Variants in ZNF26 observed in about 807,000 individuals in gnomAD.
The protein encoded by ZNF26 is zinc finger protein 26.
In ZNF26, 32 loss-of-function variants were observed where a neutral mutation model predicts 54.9. The observed-to-expected ratio is 0.58, with a 90% CI of 0.44 to 0.78. The LOEUF (loss-of-function observed/expected upper bound fraction) is 0.78, where lower values mean the gene tolerates loss of function less well. Among genes scored for constraint, ZNF26 ranks in the 30% least tolerant of loss-of-function variants. The pLI, the probability that ZNF26 is intolerant of heterozygous loss-of-function variation, is 0.00. For missense variants in ZNF26, 524 were observed against 634.0 expected, an observed-to-expected ratio of 0.83 and a Z score of 1.86; for synonymous variants, 221 against 209.2, an observed-to-expected ratio of 1.06 and a Z score of -0.49.
At position 133,007,132 on chromosome 12, in the gene ZNF26, G is replaced by A; in HGVS notation, c.124G>A (p.Val42Met). ...TACACAGAAGTACCTGTACAGAGAT[G>A]TGATATTGGAAAACTATCATAACCT... Reference protein sequence around the residue: ...DSTQKYLYRDVILENYHNLIS... With the variant: ...DSTQKYLYRDMILENYHNLIS... Residue 42 changes from valine (V) to methionine (M), a missense_variant, in exon 2 of 4, where the codon GTG becomes ATG. Val to Met is a conservative substitution (Grantham distance 21). Coordinates refer to ENST00000328654, the MANE Select transcript of ZNF26 (RefSeq NM_019591.4). 3 of 1,614,142 alleles carry A rather than the reference G, an allele frequency of 1.9e-6. No homozygotes were observed. Among genetic ancestry groups the A allele is most frequent in the Admixed American group, 1.7e-5 (1 of 60,024 alleles).
rs1413763174 is a variant in ZNF26, at chr12:133,015,683, CAGAAGACAA to C, written c.*4204_*4212del. The C allele has an allele frequency of 2.6e-5, 4 of 152,078 alleles. No individual in the cohort carries two copies. The highest frequency in any genetic ancestry group is 2.6e-4 in the Admixed American group (4 of 15,252). 9.4% of individuals were successfully genotyped at this position (152,078 alleles called of 1,614,324 possible). A position where few individuals can be genotyped will look rare whatever the true frequency, so the allele number is the denominator to read the frequency against. On this transcript the variant is annotated 3_prime_UTR_variant, in exon 4 of 4. Coordinates refer to ENST00000328654, the MANE Select transcript of ZNF26 (RefSeq NM_019591.4). ...ATAAACAAACTATATAATAATAATA[CAGAAGACAA>C]ATGTCAATGTTGCTGAAAAGCCAAA...
intron 1 of ZNF26, among the ~76,000 whole-genome samples, chr12:132,994,234 C>T (rs771115939): frequency 4.6e-4 from 70 of 152,338 alleles, no homozygotes; most frequent in Non-Finnish European, 8.7e-4. Flanking sequence ...TCTGTCCTGA[C>T]GCTTTCTCAC....
At chr12:133,008,441 C>T (rs2137254760) in intron 3 of ZNF26, among the ~76,000 whole-genome samples, 1 of 152,236 alleles carries the variant, frequency 6.6e-6, no homozygotes, top group South Asian at 2.1e-4. Context: ...ATTTCCTCAA[C>T]TCCAGACATG....
Position 133,010,040 on chromosome 12 carries a change from A to C in ZNF26, c.257-96A>C, listed in dbSNP as rs901373228. ...AGTGTGGTAGGCTTGTTACCAAAAG[A>C]GAAAGGTTGATTACATCACAGTCCT... On this transcript the variant is annotated intron_variant, in intron 3 of 3. Coordinates refer to ENST00000328654, the MANE Select transcript of ZNF26 (RefSeq NM_019591.4). 731 of 1,296,816 alleles carry C rather than the reference A, an allele frequency of 5.6e-4. 3 individuals are homozygous for C. The African/African-American group carries it at 9.7e-3, about 17-fold the overall frequency. 80.3% of individuals were successfully genotyped at this position (1,296,816 alleles called of 1,614,324 possible).
chr12:132,995,224 G>A (rs1479871003), intron 1 of ZNF26: 1 of 152,686 alleles, frequency 6.5e-6, no homozygotes, highest in African/African-American at 2.4e-5. Context: ...GTTGATGTGG[G>A]TGTGTTGTGT....
At chr12:133,009,550 C>G (rs1340082741) in intron 3 of ZNF26, among the ~76,000 whole-genome samples, 2 of 152,044 alleles carry the variant, frequency 1.3e-5, no homozygotes, top group East Asian at 1.9e-4. Flanking sequence ...CAAGATTGCG[C>G]CACTGCACTC....
At chr12:132,990,362 T>G (rs1217562236) in intron 1 of ZNF26, among the ~76,000 whole-genome samples, 3 of 152,262 alleles carry the variant, frequency 2.0e-5, no homozygotes, top group African/African-American at 7.2e-5. Flanking sequence ...TGGAACTGAT[T>G]CAAGTATTGA....
At chr12:133,008,962 G>A (rs1953405571) in intron 3 of ZNF26, among the ~76,000 whole-genome samples, 1 of 152,062 alleles carries the variant, frequency 6.6e-6, no homozygotes, top group Non-Finnish European at 1.5e-5. Context: ...GAAAGCAGGA[G>A]TAAGGCGGGG....
Position 133,013,510 on chromosome 12 carries a change from CTT to C in ZNF26, c.*2031_*2032del, listed in dbSNP as rs1239907905. On this transcript the variant is annotated 3_prime_UTR_variant, in exon 4 of 4. Transcript: ENST00000328654. Reference sequence around the variant, plus strand: ...CAGCCTAGCAAGCTCTTGTGATAGACTTTGAATAGCAGTATCTGCGAAGAACC... The same window carrying C: ...CAGCCTAGCAAGCTCTTGTGATAGACTGAATAGCAGTATCTGCGAAGAACC... 3 of 155,068 alleles carry C rather than the reference CTT, an allele frequency of 1.9e-5. No homozygotes were observed. The highest frequency in any genetic ancestry group is 7.2e-5 in the African/African-American group (3 of 41,478). 9.6% of individuals were successfully genotyped at this position (155,068 alleles called of 1,614,324 possible).
In ZNF26 at chr12:132,990,870, T is replaced by A. The variant is rs948687071; in HGVS notation, c.33+3997T>A. Among the ~76,000 whole-genome samples, 195 of 152,216 alleles carry A rather than the reference T, an allele frequency of 1.3e-3. 1 individual carries two copies. Among genetic ancestry groups the A allele is most frequent in the Non-Finnish European group, 2.2e-3 (153 of 68,036 alleles). Reference sequence around the variant, plus strand: ...TTCCTTTATTGTCCTTTTTTCTTTTTATTTTTTTGATAGAGTCTCACTCTG... The same window carrying A: ...TTCCTTTATTGTCCTTTTTTCTTTTAATTTTTTTGATAGAGTCTCACTCTG... On this transcript the variant is annotated intron_variant, in intron 1 of 3. Transcript: ENST00000328654.
At position 133,019,698 on chromosome 12, in the gene ZNF26, C is replaced by T. The variant is rs1396208126; in HGVS notation, c.*8217C>T. On this transcript the variant is annotated 3_prime_UTR_variant, in exon 4 of 4. Coordinates refer to ENST00000328654, the MANE Select transcript of ZNF26 (RefSeq NM_019591.4). ...ACTGAAAATAGAACTATTATACGAT[C>T]CAGCAACCCCACTACTGGGTGAAAA... 6.6e-6 allele frequency: 1 copy of T among 152,244 alleles called. No homozygotes were observed. Among genetic ancestry groups the T allele is most frequent in the Admixed American group, 6.5e-5 (1 of 15,268 alleles). 9.4% of individuals were successfully genotyped at this position (152,244 alleles called of 1,614,324 possible). A position where few individuals can be genotyped will look rare whatever the true frequency, so the allele number is the denominator to read the frequency against.
In ZNF26 at chr12:133,000,646, G is replaced by C. The variant is rs1274598213; in HGVS notation, c.34-6396G>C. ...TCACCATGTTAGCCAGGATGGTCTC[G>C]ATCTCCTGACCTCGTGATCCGCCCA... On this transcript the variant is annotated intron_variant, in intron 1 of 3. Coordinates refer to ENST00000328654, the MANE Select transcript of ZNF26 (RefSeq NM_019591.4). 3.9e-5 allele frequency among the ~76,000 whole-genome samples: 6 copies of C among 152,040 alleles called. No individual in the cohort carries two copies. In the East Asian group the frequency reaches 1.2e-3, roughly 29 times the overall value.
chr12:132,994,932 C>T (rs964500592), intron 1 of ZNF26, among the ~76,000 whole-genome samples: 15 of 152,098 alleles, frequency 9.9e-5, no homozygotes, highest in Non-Finnish European at 2.2e-4. Flanking sequence ...GTAGCACTGC[C>T]CCACTATGAC....
At chr12:133,003,547 CT>C (rs1478834111) in intron 1 of ZNF26, among the ~76,000 whole-genome samples, 9 of 152,178 alleles carry the variant, frequency 5.9e-5, no homozygotes, top group African/African-American at 1.7e-4. Context: ...GCCACCGCCC[CT>C]GGCCTCCCTT....
Position 133,001,814 on chromosome 12 carries a change from A to C in ZNF26, c.34-5228A>C, listed in dbSNP as rs1156840784. On this transcript the variant is annotated intron_variant, in intron 1 of 3. Coordinates refer to ENST00000328654, the MANE Select transcript of ZNF26 (RefSeq NM_019591.4). The surrounding 1 kb of genome is among the most constrained non-coding windows in gnomAD (Gnocchi z 4.7). ...AGCTGCCTTTTGAGAGTCCCGCGGC[A>C]GTCTTTGCCTTCAGAATTTTTCAGA... 2.9e-6 allele frequency: 2 copies of C among 696,986 alleles called. No homozygotes were observed. The highest frequency in any genetic ancestry group is 2.2e-6 in the Non-Finnish European group (1 of 462,994). The allele number at this position is 696,986 out of a possible 1,614,324, so 43.2% of individuals were successfully genotyped here.
chr12:132,999,597 A>T (rs1485096120), intron 1 of ZNF26, among the ~76,000 whole-genome samples: 1 of 152,096 alleles, frequency 6.6e-6, no homozygotes, highest in Admixed American at 6.5e-5. Flanking sequence ...GTTTACACAA[A>T]GTATAATATT....
intron 1 of ZNF26, among the ~76,000 whole-genome samples, chr12:132,997,679 T>G (rs1953117674): frequency 6.6e-6 from 1 of 152,248 alleles, no homozygotes; most frequent in Non-Finnish European, 1.5e-5. Flanking sequence ...ACAGGGTTGT[T>G]GAATCATTTC....
intron 1 of ZNF26, among the ~76,000 whole-genome samples, chr12:132,995,475 A>G (rs1953058645): frequency 6.6e-6 from 1 of 151,070 alleles, no homozygotes; most frequent in East Asian, 1.9e-4. Flanking sequence ...ATAGTTATAT[A>G]TTATGATAGT....
chr12:132,989,761 T>C (rs1952907559), intron 1 of ZNF26, among the ~76,000 whole-genome samples: 1 of 152,186 alleles, frequency 6.6e-6, no homozygotes, highest in Non-Finnish European at 1.5e-5. Flanking sequence ...TCTTGTTTTT[T>C]TGCCTCAGAT....
Sources: gnomAD v4.1 joint callset for allele counts (sites outside exome capture counted in the v4.1 genomes callset) on GRCh38, gnomAD v4.1.1 for gene constraint, Gnocchi (gnomAD v3.1) non-coding constraint, MANE v1.5 for transcripts, NCBI Gene and HGNC (gene_info 2026-07-23, HGNC 2026-07-21) for gene names.